SCML4: variants seen among roughly 807,000 people sequenced by gnomAD.
SCML4 encodes sex comb on midleg-like protein 4.
In SCML4, 34 loss-of-function variants were observed where a neutral mutation model predicts 41.1. That is an observed-to-expected ratio of 0.83 (90% CI 0.63 to 1.10). The LOEUF (loss-of-function observed/expected upper bound fraction) is 1.10, where lower values mean the gene tolerates loss of function less well. SCML4 is among the 50% of genes least tolerant of loss of function. The pLI, the probability that SCML4 is intolerant of heterozygous loss-of-function variation, is 0.00. For synonymous variants in SCML4, 214 were observed against 220.9 expected (o/e 0.97, Z 0.28); for missense variants, 522 against 534.1 (o/e 0.98, Z 0.22).
chr6:107,801,440 C>T (rs1783114920), intron 1 of SCML4, among the ~76,000 whole-genome samples: 2 of 152,300 alleles, frequency 1.3e-5, no homozygotes, highest in South Asian at 2.1e-4. Flanking sequence ...CTACCTGCCC[C>T]CCACCCCAGG....
chr6:107,785,166 G>A (rs1781791090), intron 1 of SCML4, among the ~76,000 whole-genome samples: 2 of 152,082 alleles, frequency 1.3e-5, no homozygotes, highest in African/African-American at 2.4e-5. Context: ...TATCTTCCCG[G>A]TCCAGAGTTG....
chr6:107,760,745 G>A (rs925477919), intron 2 of SCML4, among the ~76,000 whole-genome samples: 1 of 151,916 alleles, frequency 6.6e-6, no homozygotes, highest in African/African-American at 2.4e-5. Context: ...GAAAGAATAA[G>A]CAATAAAAAC....
At chr6:107,824,943 C>T (rs534205371), upstream of SCML4, among the ~76,000 whole-genome samples, 14 of 152,214 alleles carry the variant, frequency 9.2e-5, no homozygotes, top group Admixed American at 7.8e-4. Context: ...AGCGGCTGCC[C>T]ACAACATATG....
chr6:107,774,267 C>T (rs1202343271), intron 1 of SCML4, among the ~76,000 whole-genome samples: 3 of 152,014 alleles, frequency 2.0e-5, no homozygotes, highest in Non-Finnish European at 4.4e-5. Context: ...AATCAGGGTG[C>T]ACCCTACAGT....
At chr6:107,734,202 C>T (rs2114459411) in intron 5 of SCML4, among the ~76,000 whole-genome samples, 1 of 152,260 alleles carries the variant, frequency 6.6e-6, no homozygotes, top group Non-Finnish European at 1.5e-5. Flanking sequence ...GGTTTACCAC[C>T]AGCATCATTC....
chr6:107,740,345 G>A (rs1233930122), intron 5 of SCML4, among the ~76,000 whole-genome samples: 6 of 152,148 alleles, frequency 3.9e-5, no homozygotes, highest in Non-Finnish European at 8.8e-5. Context: ...TTGTAGAGGC[G>A]GAGAAACAGT....
chr6:107,786,904 T>C (rs1232204428), intron 1 of SCML4, among the ~76,000 whole-genome samples: 2 of 152,208 alleles, frequency 1.3e-5, no homozygotes, highest in Non-Finnish European at 2.9e-5. Flanking sequence ...GCCTACTTCA[T>C]CTCTTTTAAT....
At chr6:107,791,693 C>G (rs911223546) in intron 1 of SCML4, among the ~76,000 whole-genome samples, 1 of 152,182 alleles carries the variant, frequency 6.6e-6, no homozygotes, top group Non-Finnish European at 1.5e-5. Context: ...GTGGCTCATG[C>G]CTGTAATCCC....
intron 2 of SCML4, among the ~76,000 whole-genome samples, chr6:107,762,614 C>T (rs9486684): frequency 0.029 from 4,427 of 152,094 alleles, 222 homozygotes; most frequent in African/African-American, 0.1. Context: ...GAAATATGGA[C>T]GGAGAGGCAG....
At chr6:107,726,623 C>A (rs1459241724) in intron 5 of SCML4, among the ~76,000 whole-genome samples, 1 of 149,326 alleles carries the variant, frequency 6.7e-6, no homozygotes, top group Admixed American at 6.7e-5. Flanking sequence ...ATAAACATTT[C>A]TTTAAAAAGA....
the SCML4 span, among the ~76,000 whole-genome samples, chr6:107,837,440 G>A: frequency 8.5e-5 from 13 of 152,286 alleles, no homozygotes; most frequent in South Asian, 4.1e-4. Context: ...TTAGTAGGCC[G>A]AATGCACTTC....
intron 1 of SCML4, among the ~76,000 whole-genome samples, chr6:107,778,196 CAAAAAAAAAAAAAAAAA>C (rs1171221403): frequency 3.9e-4 from 3 of 7,754 alleles, no homozygotes; most frequent in African/African-American, 9.8e-4. Context: ...GACTCTATCT[CAAAAAAAAAAAAAAAAA>C]AAAAAAAAAA....
intron 1 of SCML4, among the ~76,000 whole-genome samples, chr6:107,792,847 C>T (rs936286498): frequency 2.0e-5 from 3 of 152,108 alleles, no homozygotes; most frequent in African/African-American, 4.8e-5. Context: ...ACAAACCTCA[C>T]TTAGATTTTG....
intron 2 of SCML4, among the ~76,000 whole-genome samples, chr6:107,752,821 A>G (rs1778801688): frequency 6.6e-6 from 1 of 152,230 alleles, no homozygotes; most frequent in Admixed American, 6.5e-5. Flanking sequence ...AAATGAATAA[A>G]TAAGTATATG....
At chr6:107,717,702 G>A (rs1259482779) in intron 6 of SCML4, among the ~76,000 whole-genome samples, 2 of 152,044 alleles carry the variant, frequency 1.3e-5, no homozygotes, top group Admixed American at 6.5e-5. Context: ...CGTGCATCAC[G>A]ACACCCAGCT....
intron 4 of SCML4, chr6:107,746,457 G>A (rs543649544): frequency 6.2e-5 from 28 of 455,260 alleles, no homozygotes; most frequent in African/African-American, 5.4e-4. Flanking sequence ...AGTGGGAGAA[G>A]GAGAAGAGTC....
chr6:107,749,557 A>G, intron 3 of SCML4, 127 bp downstream of exon 3: 1 of 1,061,488 alleles, frequency 9.4e-7, no homozygotes, highest in Non-Finnish European at 1.4e-6. Flanking sequence ...CTGCCTAGCT[A>G]GCACACTAAA....
intron 1 of SCML4, among the ~76,000 whole-genome samples, chr6:107,777,623 C>T (rs1025442377): frequency 5.9e-5 from 9 of 151,970 alleles, no homozygotes; most frequent in Admixed American, 2.6e-4. Flanking sequence ...ACAAAAGTAA[C>T]AAAAAGGCAA....
chr6:107,711,344 G>C (rs888951662), intron 6 of SCML4, among the ~76,000 whole-genome samples: 1 of 152,198 alleles, frequency 6.6e-6, no homozygotes, highest in Admixed American at 6.5e-5. Flanking sequence ...CACCGCCTAA[G>C]GACGGTGGTC....
Sources: gnomAD v4.1 joint callset for allele counts (sites outside exome capture counted in the v4.1 genomes callset) on GRCh38, gnomAD v4.1.1 for gene constraint, MANE v1.5 for transcripts, NCBI Gene and HGNC (gene_info 2026-07-23, HGNC 2026-07-21) for gene names.